Variants in CCNG1 observed in about 807,000 individuals in gnomAD.
The protein encoded by CCNG1 is cyclin G1.
CCNG1 carries 13 observed loss-of-function variants against 30.0 expected under a neutral mutation model. That is an observed-to-expected ratio of 0.43 (90% CI 0.28 to 0.69). The LOEUF is 0.69. CCNG1 is among the 30% of genes least tolerant of loss of function. The pLI is 0.16. For synonymous variants in CCNG1, 110 were observed against 121.5 expected (o/e 0.91, Z 0.62); for missense variants, 285 against 331.4 (o/e 0.86, Z 1.09).
Position 163,444,323 on chromosome 5 carries a change from A to G in CCNG1, c.*653A>G, listed in dbSNP as rs1757969945. The G allele has an allele frequency of 1.3e-5, 2 of 152,612 alleles. No homozygotes were observed. Among genetic ancestry groups the G allele is most frequent in the South Asian group, 4.1e-4 (2 of 4,834 alleles). 9.5% of individuals were successfully genotyped at this position (152,612 alleles called of 1,614,324 possible). On this transcript the variant is annotated 3_prime_UTR_variant, in exon 7 of 7. Transcript: ENST00000340828. ...GGCATATTCATTAAGTTATCTTTTA[A>G]TATTTTTTTCTAGAAAACAGGTGAC... is the stretch of plus-strand genomic sequence containing the variant.
chr5:163,440,935 T>G, intron 2 of CCNG1, 143 bp from the exon 3 acceptor site: 1 of 872,030 alleles, frequency 1.1e-6, no homozygotes, highest in Non-Finnish European at 1.7e-6. Context: ...TATGAGTGGA[T>G]TGTGTTAAGT....
chr5:163,451,417 C>T, the CCNG1 span: 3 of 151,992 alleles, frequency 2.0e-5, no homozygotes, highest in African/African-American at 4.8e-5. Context: ...AAAGAGAGCA[C>T]GAGAGTTTTT....
intron 6 of CCNG1, among the ~76,000 whole-genome samples, chr5:163,442,948 G>A (rs1308192878): frequency 6.6e-6 from 1 of 152,078 alleles, no homozygotes; most frequent in Non-Finnish European, 1.5e-5. Flanking sequence ...TCTGAACCAA[G>A]TATGAACTAA....
intron 2 of CCNG1, among the ~76,000 whole-genome samples, chr5:163,439,959 C>T (rs1757721886): frequency 6.6e-6 from 1 of 152,026 alleles, no homozygotes; most frequent in African/African-American, 2.4e-5. Context: ...CTAGTCAAGA[C>T]TTGCTTATGC....
chr5:163,453,827 C>A, the CCNG1 span: 25 of 435,302 alleles, frequency 5.7e-5, no homozygotes, highest in African/African-American at 4.9e-4. Context: ...TGTTTGAATG[C>A]AATTTTTAGA....
Position 163,443,749 on chromosome 5 carries a change from T to C in CCNG1, c.*79T>C, listed in dbSNP as rs1235371464. 6 of 1,514,858 alleles carry C rather than the reference T, an allele frequency of 4.0e-6. No individual in the cohort carries two copies. In the African/African-American group the frequency reaches 8.3e-5, roughly 21 times the overall value. 93.8% of individuals were successfully genotyped at this position (1,514,858 alleles called of 1,614,324 possible). On this transcript the variant is annotated 3_prime_UTR_variant, in exon 7 of 7. Coordinates refer to ENST00000340828, the MANE Select transcript of CCNG1 (RefSeq NM_004060.4). Reference sequence around the variant, plus strand: ...TTCTATGGATTCCATAATGTTACAATGGATTTAAGCTATGAAGCCTCAAAA... The same window carrying C: ...TTCTATGGATTCCATAATGTTACAACGGATTTAAGCTATGAAGCCTCAAAA...
At chr5:163,451,580 C>T in the CCNG1 span, 1 of 152,082 alleles carries the variant, frequency 6.6e-6, no homozygotes, top group Non-Finnish European at 1.5e-5. Flanking sequence ...AGAAAAATAG[C>T]CTCTTCCCCC....
chr5:163,456,352 C>G, the CCNG1 span, among the ~76,000 whole-genome samples: 1 of 152,136 alleles, frequency 6.6e-6, no homozygotes, highest in Admixed American at 6.5e-5. Context: ...AAATCTAAAT[C>G]ATATCAAAGG....
At position 163,441,981 on chromosome 5, in the gene CCNG1, G is replaced by A; in HGVS notation, c.597+17G>A. 6.3e-7 allele frequency: 1 copy of A among 1,589,324 alleles called. No individual in the cohort carries two copies. Among genetic ancestry groups the A allele is most frequent in the Non-Finnish European group, 8.6e-7 (1 of 1,158,156 alleles). ...AAAGCAAAGGTAAATATTTTATAAAGATTATGCCTATTGATATGATCTGTT... is the reference window on the plus strand; with the variant it reads ...AAAGCAAAGGTAAATATTTTATAAAAATTATGCCTATTGATATGATCTGTT... On this transcript the variant is annotated intron_variant, in intron 4 of 6. Coordinates refer to ENST00000340828, the MANE Select transcript of CCNG1 (RefSeq NM_004060.4).
At chr5:163,453,587 A>G in the CCNG1 span, 1 of 154,164 alleles carries the variant, frequency 6.5e-6, no homozygotes, top group Non-Finnish European at 1.4e-5. Flanking sequence ...TCCTATTTAG[A>G]AAATTTTATT....
chr5:163,443,325 A>G (rs983161229), intron 6 of CCNG1, among the ~76,000 whole-genome samples: 2 of 152,080 alleles, frequency 1.3e-5, no homozygotes, highest in South Asian at 2.1e-4. Flanking sequence ...AAAAAAAAAA[A>G]AAAGAAAAAA....
the CCNG1 span, among the ~76,000 whole-genome samples, chr5:163,455,254 G>A: frequency 6.6e-6 from 1 of 152,214 alleles, no homozygotes; most frequent in Non-Finnish European, 1.5e-5. Flanking sequence ...CCAAACTGTG[G>A]GAGAAGAGCA....
chr5:163,439,202 G>A (rs1431107519), intron 1 of CCNG1, 55 bp from the exon 2 acceptor site: 7 of 1,511,066 alleles, frequency 4.6e-6, no homozygotes, highest in Non-Finnish European at 6.3e-6. Context: ...GATGGCCAAG[G>A]AAAGCAGGAA....
rs1757839229 is a variant in CCNG1 at position 163,442,024 on chromosome 5, CT to C, written c.598-18del. ...GATCTGTTTTTATATTTGGCATTTA[CT>C]TTAAATTTATCTCTTTTAGCCTTCT... is the stretch of plus-strand genomic sequence containing the variant. On this transcript the variant is annotated intron_variant, in intron 4 of 6. Transcript: ENST00000340828. 6.9e-6 allele frequency: 11 copies of C among 1,598,148 alleles called. No homozygotes were observed. Among genetic ancestry groups the C allele is most frequent in the Non-Finnish European group, 9.4e-6 (11 of 1,167,042 alleles).
Position 163,442,581 on chromosome 5 carries a change from CG to C in CCNG1, c.*3+14del, listed in dbSNP as rs767507276. ...GGTCCCTTAACTGGTAAATTTGGTC[CG>C]TTATTATTCTCCAGATAGAGAACAT... is the stretch of plus-strand genomic sequence containing the variant. On this transcript the variant is annotated intron_variant, in intron 6 of 6. Transcript: ENST00000340828. The C allele has an allele frequency of 1.5e-5, 23 of 1,565,096 alleles. No homozygotes were observed. Among genetic ancestry groups the C allele is most frequent in the Non-Finnish European group, 1.7e-5 (19 of 1,151,200 alleles).
downstream of CCNG1, chr5:163,447,230 T>C (rs950346603): frequency 4.6e-5 from 7 of 152,714 alleles, no homozygotes; most frequent in Admixed American, 3.3e-4. Flanking sequence ...GGTGGGAGGA[T>C]TGCTTGAGGC....
the CCNG1 span, chr5:163,453,871 T>C: frequency 1.8e-6 from 1 of 559,238 alleles, no homozygotes; most frequent in Non-Finnish European, 3.1e-6. Flanking sequence ...ATCTGTTAAC[T>C]GTAGGCATCC....
chr5:163,457,049 T>C, the CCNG1 span: 7 of 1,612,528 alleles, frequency 4.3e-6, no homozygotes, highest in East Asian at 1.3e-4. Flanking sequence ...TCTTTGTCTT[T>C]GTAAGAACAA....
downstream of CCNG1, chr5:163,446,517 C>T (rs894850339): frequency 6.6e-6 from 1 of 152,188 alleles, no homozygotes; most frequent in South Asian, 2.1e-4. Flanking sequence ...TAATTGGACT[C>T]AAGTGAAATT....
Sources: allele counts gnomAD v4.1 joint callset (sites outside exome capture counted in the v4.1 genomes callset), GRCh38; gene constraint gnomAD v4.1.1; transcripts MANE v1.5; gene names NCBI Gene and HGNC (gene_info 2026-07-23, HGNC 2026-07-21).